The following QTMAN variants were observed in gnomAD, a reference collection of about 807,000 sequenced individuals.
QTMAN encodes the protein tRNA-queuosine alpha-mannosyltransferase.
chr2:144,263,841 A>G, the QTMAN span, among the ~76,000 whole-genome samples: 4 of 152,286 alleles, frequency 2.6e-5, no homozygotes, highest in Non-Finnish European at 5.9e-5. Flanking sequence ...ATAAGAGGCA[A>G]AAAGAGTAAG....
At chr2:144,253,896 C>T in the QTMAN span, among the ~76,000 whole-genome samples, 1 of 152,222 alleles carries the variant, frequency 6.6e-6, no homozygotes, top group Non-Finnish European at 1.5e-5. Flanking sequence ...CTCAATAGCC[C>T]CTTCCATCAC....
At chr2:144,158,419 G>A in the QTMAN span, among the ~76,000 whole-genome samples, 1 of 151,902 alleles carries the variant, frequency 6.6e-6, no homozygotes, top group Non-Finnish European at 1.5e-5. Context: ...TAGTGGATAT[G>A]CTACCTGCTT....
chr2:143,978,167 A>G, the QTMAN span, among the ~76,000 whole-genome samples: 3 of 152,188 alleles, frequency 2.0e-5, no homozygotes, highest in Non-Finnish European at 2.9e-5. Flanking sequence ...AATAAAACCA[A>G]TTCCCACCTT....
the QTMAN span, among the ~76,000 whole-genome samples, chr2:144,035,543 C>T: frequency 1.3e-5 from 2 of 151,678 alleles, no homozygotes; most frequent in African/African-American, 4.8e-5. Context: ...ATAAAAAGAC[C>T]ATAGTTATTT....
At chr2:144,239,664 A>G in the QTMAN span, among the ~76,000 whole-genome samples, 6 of 152,222 alleles carry the variant, frequency 3.9e-5, no homozygotes, top group Non-Finnish European at 8.8e-5. Flanking sequence ...AAACCCACAA[A>G]AAAATGGCTT....
chr2:144,219,255 C>A, the QTMAN span, among the ~76,000 whole-genome samples: 1 of 152,156 alleles, frequency 6.6e-6, no homozygotes, highest in African/African-American at 2.4e-5. Flanking sequence ...CTCACCCTCC[C>A]AAGTAGCTGG....
the QTMAN span, among the ~76,000 whole-genome samples, chr2:144,110,679 A>AC: frequency 0.28 from 31,771 of 113,680 alleles, 4,825 homozygotes; most frequent in East Asian, 0.35. Context: ...AGAAAAATCG[A>AC]CCCCCCCCCA....
chr2:144,000,331 A>G, the QTMAN span, among the ~76,000 whole-genome samples: 1 of 152,044 alleles, frequency 6.6e-6, no homozygotes, highest in African/African-American at 2.4e-5. Flanking sequence ...TAAATGTCAG[A>G]ATTCATTTTC....
At chr2:144,236,218 A>T in the QTMAN span, among the ~76,000 whole-genome samples, 10 of 152,102 alleles carry the variant, frequency 6.6e-5, no homozygotes, top group Non-Finnish European at 1.3e-4. Flanking sequence ...ATGCATATGG[A>T]TGAGCATTCC....
the QTMAN span, among the ~76,000 whole-genome samples, chr2:144,030,320 T>A: frequency 1.3e-5 from 2 of 152,182 alleles, no homozygotes; most frequent in Non-Finnish European, 1.5e-5. Context: ...TTCATTGATG[T>A]TGTTCAAGCA....
At chr2:144,273,601 T>C in the QTMAN span, among the ~76,000 whole-genome samples, 1 of 152,184 alleles carries the variant, frequency 6.6e-6, no homozygotes, top group Non-Finnish European at 1.5e-5. Flanking sequence ...ACTGGTCTTA[T>C]ATGGAGTAAA....
the QTMAN span, among the ~76,000 whole-genome samples, chr2:143,997,633 T>A: frequency 4.1e-4 from 63 of 152,214 alleles, no homozygotes; most frequent in African/African-American, 1.3e-3. Context: ...CCCTTTTTAC[T>A]CATCATATAG....
chr2:144,112,308 C>T, the QTMAN span, among the ~76,000 whole-genome samples: 1 of 152,166 alleles, frequency 6.6e-6, no homozygotes, highest in Non-Finnish European at 1.5e-5. Flanking sequence ...AAACACTGGA[C>T]ATTATCTATA....
the QTMAN span, chr2:144,294,250 CTT>C: frequency 1.3e-5 from 2 of 152,190 alleles, no homozygotes; most frequent in Non-Finnish European, 1.5e-5. Flanking sequence ...ACTCTGAACT[CTT>C]TTGCAGAAGC....
chr2:144,175,333 GA>G, the QTMAN span, among the ~76,000 whole-genome samples: 2 of 151,942 alleles, frequency 1.3e-5, no homozygotes, highest in African/African-American at 4.8e-5. Flanking sequence ...TCAATAGGGG[GA>G]AAAAGTAAAC....
chr2:144,218,498 T>C, the QTMAN span, among the ~76,000 whole-genome samples: 1 of 152,232 alleles, frequency 6.6e-6, no homozygotes, highest in East Asian at 1.9e-4. Context: ...TATGCCAACA[T>C]TTAACTCAGA....
At chr2:144,109,983 C>T in the QTMAN span, among the ~76,000 whole-genome samples, 2 of 152,128 alleles carry the variant, frequency 1.3e-5, no homozygotes, top group Non-Finnish European at 2.9e-5. Context: ...GACAGTGTGG[C>T]GATTCCTCAA....
At chr2:143,968,588 T>G in the QTMAN span, among the ~76,000 whole-genome samples, 1 of 152,212 alleles carries the variant, frequency 6.6e-6, no homozygotes, top group South Asian at 2.1e-4. Flanking sequence ...GAGTCTTCTT[T>G]GTAGTGGTGG....
At chr2:144,054,547 T>A in the QTMAN span, among the ~76,000 whole-genome samples, 1 of 152,146 alleles carries the variant, frequency 6.6e-6, no homozygotes, top group South Asian at 2.1e-4. Context: ...TAAATCACAG[T>A]TTACTCAAGA....
Sources: allele counts gnomAD v4.1 joint callset (sites outside exome capture counted in the v4.1 genomes callset), GRCh38; gene constraint gnomAD v4.1.1; transcripts MANE v1.5; gene names NCBI Gene and HGNC (gene_info 2026-07-23, HGNC 2026-07-21).